Variants in SLC24A2 observed in about 807,000 individuals in gnomAD.
SLC24A2 encodes solute carrier family 24 member 2, also known as sodium/potassium/calcium exchanger 2.
In SLC24A2, 36 loss-of-function variants were observed where a neutral mutation model predicts 62.0. The observed-to-expected ratio is 0.58, with a 90% CI of 0.44 to 0.77. The LOEUF is 0.77. Ranked by LOEUF, SLC24A2 falls within the 30% of genes least tolerant of loss-of-function variation. The probability of loss-of-function intolerance (pLI) is 0.00; values close to 1 mark genes in which losing one functional copy is unlikely to be tolerated. For missense variants in SLC24A2, 846 were observed against 817.9 expected, an observed-to-expected ratio of 1.03 and a Z score of -0.42; for synonymous variants, 358 against 294.0, an observed-to-expected ratio of 1.22 and a Z score of -2.23.
the SLC24A2 span, among the ~76,000 whole-genome samples, chr9:20,214,882 T>C: frequency 1.3e-4 from 20 of 152,274 alleles, no homozygotes; most frequent in Non-Finnish European, 5.9e-5. Context: ...GTAACCATAG[T>C]ATAATATAAC....
At chr9:19,733,079 A>G in intron 2 of SLC24A2, among the ~76,000 whole-genome samples, 1 of 102,982 alleles carries the variant, frequency 9.7e-6, no homozygotes, top group Non-Finnish European at 1.8e-5. Context: ...TTAAGATGTG[A>G]CTCTTTTTTT....
At chr9:19,978,397 C>T in the SLC24A2 span, among the ~76,000 whole-genome samples, 2 of 151,894 alleles carry the variant, frequency 1.3e-5, no homozygotes, top group Non-Finnish European at 2.9e-5. Flanking sequence ...CTCCAAATGC[C>T]CTTCCCTCGC....
At chr9:19,653,306 A>C (rs10964241) in intron 2 of SLC24A2, among the ~76,000 whole-genome samples, 116,038 of 152,130 alleles carry the variant, frequency 0.76, 44,422 homozygotes, top group East Asian at 0.87. Context: ...AATCACGTGC[A>C]ATCATTGACT....
chr9:19,754,443 G>A (rs1822074333), intron 2 of SLC24A2, among the ~76,000 whole-genome samples: 1 of 152,168 alleles, frequency 6.6e-6, no homozygotes, highest in Non-Finnish European at 1.5e-5. Flanking sequence ...CAGCGGGACT[G>A]GTGCCCAGTG....
chr9:20,163,013 C>T, the SLC24A2 span, among the ~76,000 whole-genome samples: 9 of 152,254 alleles, frequency 5.9e-5, no homozygotes, highest in Admixed American at 2.0e-4. Flanking sequence ...GACAAACTCA[C>T]AGCCAATATC....
At chr9:19,661,234 G>A (rs377131871) in intron 2 of SLC24A2, among the ~76,000 whole-genome samples, 3 of 150,114 alleles carry the variant, frequency 2.0e-5, no homozygotes, top group South Asian at 2.1e-4. Context: ...TCCGATACAA[G>A]TTAATTCACC....
At chr9:20,214,983 T>C in the SLC24A2 span, among the ~76,000 whole-genome samples, 1 of 152,234 alleles carries the variant, frequency 6.6e-6, no homozygotes, top group Non-Finnish European at 1.5e-5. Flanking sequence ...TTCTACCTAA[T>C]GCATATATCT....
At chr9:19,851,928 C>G in the SLC24A2 span, among the ~76,000 whole-genome samples, 2 of 152,182 alleles carry the variant, frequency 1.3e-5, no homozygotes, top group African/African-American at 4.8e-5. Context: ...AGTGGTTGAA[C>G]TAACTGACAT....
chr9:20,265,182 G>A, the SLC24A2 span, among the ~76,000 whole-genome samples: 5 of 152,234 alleles, frequency 3.3e-5, no homozygotes, highest in Admixed American at 6.5e-5. Context: ...TAGAAAGGAC[G>A]GACATCTATG....
chr9:19,861,686 T>C, the SLC24A2 span, among the ~76,000 whole-genome samples: 198 of 152,084 alleles, frequency 1.3e-3, 2 homozygotes, highest in African/African-American at 4.6e-3. Flanking sequence ...AAATTCAAGA[T>C]AACACAGAGA....
the SLC24A2 span, among the ~76,000 whole-genome samples, chr9:20,297,843 A>G: frequency 6.6e-6 from 1 of 152,194 alleles, no homozygotes; most frequent in Non-Finnish European, 1.5e-5. Context: ...TCACAGCCCC[A>G]CGCTCCACCC....
At chr9:20,279,135 T>G in the SLC24A2 span, among the ~76,000 whole-genome samples, 1 of 152,180 alleles carries the variant, frequency 6.6e-6, no homozygotes, top group African/African-American at 2.4e-5. Flanking sequence ...GATTTGATTT[T>G]CTCCAACTAG....
chr9:20,047,663 T>C, the SLC24A2 span, among the ~76,000 whole-genome samples: 1 of 145,358 alleles, frequency 6.9e-6, no homozygotes, highest in African/African-American at 2.5e-5. Flanking sequence ...CGCCTTCTCA[T>C]TGTAAATGTA....
At position 19,563,717 on chromosome 9, in the gene SLC24A2, A is replaced by T. The variant is rs142579253; in HGVS notation, c.1347+9634T>A. On this transcript the variant is annotated intron_variant, in intron 7 of 10. Transcript: ENST00000341998. Reference sequence around the variant, plus strand: ...CCCTCCCTTACTTCCTTTTCCAACAATCTGTAACAAAACTGTTGGTTTTTA... The same window carrying T: ...CCCTCCCTTACTTCCTTTTCCAACATTCTGTAACAAAACTGTTGGTTTTTA... Among the ~76,000 whole-genome samples the T allele has an allele frequency of 9.9e-4, 118 of 119,280 alleles. 20 individuals carry two copies. The highest frequency in any genetic ancestry group is 4.6e-3 in the African/African-American group (111 of 23,948). 78.3% of individuals were successfully genotyped at this position (119,280 alleles called of 152,430 possible). A position where few individuals can be genotyped will look rare whatever the true frequency, so the allele number is the denominator to read the frequency against.
chr9:19,860,898 G>A, the SLC24A2 span, among the ~76,000 whole-genome samples: 12 of 152,322 alleles, frequency 7.9e-5, no homozygotes, highest in African/African-American at 2.9e-4. Context: ...ACCGTGTCTT[G>A]TGGTTTGAGT....
chr9:20,189,773 A>G, the SLC24A2 span, among the ~76,000 whole-genome samples: 3 of 152,234 alleles, frequency 2.0e-5, no homozygotes, highest in Non-Finnish European at 4.4e-5. Flanking sequence ...AAATCGCATT[A>G]CTTTAGCTAC....
intron 2 of SLC24A2, among the ~76,000 whole-genome samples, chr9:19,687,024 G>A (rs528197740): frequency 9.4e-4 from 143 of 152,054 alleles, no homozygotes; most frequent in South Asian, 2.1e-3. Flanking sequence ...ATGTGAACAC[G>A]GGAACAGAAA....
At chr9:20,014,976 C>T in the SLC24A2 span, among the ~76,000 whole-genome samples, 5 of 152,130 alleles carry the variant, frequency 3.3e-5, no homozygotes, top group South Asian at 2.1e-4. Context: ...TTACCAAAAA[C>T]ATCACACTGT....
the SLC24A2 span, among the ~76,000 whole-genome samples, chr9:19,942,577 A>G: frequency 2.0e-5 from 3 of 152,240 alleles, no homozygotes; most frequent in East Asian, 1.9e-4. Context: ...ACAGCTTAAC[A>G]TGGTGAAACA....
Sources: allele counts gnomAD v4.1 joint callset (sites outside exome capture counted in the v4.1 genomes callset), GRCh38; gene constraint gnomAD v4.1.1; transcripts MANE v1.5; gene names NCBI Gene and HGNC (gene_info 2026-07-23, HGNC 2026-07-21).